MTA3: variants seen among roughly 807,000 people sequenced by gnomAD.
MTA3 encodes metastasis associated 1 family member 3.
A neutral mutation model predicts 83.5 loss-of-function variants in MTA3; 34 were observed. The observed-to-expected ratio is 0.41, with a 90% CI of 0.31 to 0.54. MTA3 has a LOEUF of 0.54. MTA3 is among the 20% of genes least tolerant of loss of function. The probability of loss-of-function intolerance (pLI) is 0.33; values close to 1 mark genes in which losing one functional copy is unlikely to be tolerated. For synonymous variants in MTA3, 303 were observed against 252.7 expected (o/e 1.20, Z -1.89); for missense variants, 761 against 726.4 (o/e 1.05, Z -0.55).
rs76558479 is a variant in MTA3, at chr2:42,708,902, G to T, written c.1331G>T (p.Arg444Leu). 1.9e-6 allele frequency: 3 copies of T among 1,613,832 alleles called. No individual in the cohort carries two copies. Among genetic ancestry groups the T allele is most frequent in the Non-Finnish European group, 2.5e-6 (3 of 1,179,864 alleles). Residue 444 changes from arginine (R) to leucine (L), a missense_variant, in exon 14 of 17, where the codon CGC becomes CTC. Arg to Leu is a moderately radical substitution (Grantham distance 102, BLOSUM62 -2). Coordinates refer to ENST00000405094, the MANE Select transcript of MTA3 (RefSeq NM_001330442.2). ...CCTCGTGTTAGAAGTCACGTGTCCC[G>T]CCAGGCCATGCAGGGAATGCCAGTC... is the stretch of plus-strand genomic sequence containing the variant. The part of the protein sequence containing the change: ...EDPRVRSHVS[R>L]QAMQGMPVRN...
rs1392419470 is a variant in MTA3 at position 42,577,106 on chromosome 2, ATAT to A, written c.97-2000_97-1998del. On this transcript the variant is annotated intron_variant, in intron 2 of 16. Transcript: ENST00000405094. ...GTACTCCATCTAAAAAAAAAAAAAA[ATAT>A]ATATATATATATATATATATATATA... is the stretch of plus-strand genomic sequence containing the variant. Among the ~76,000 whole-genome samples, 265 of 65,138 alleles carry A rather than the reference ATAT, an allele frequency of 4.1e-3. 7 individuals are homozygous for A. The highest frequency in any genetic ancestry group is 0.015 in the African/African-American group (227 of 14,824). 42.7% of individuals were successfully genotyped at this position (65,138 alleles called of 152,430 possible).
At position 42,660,638 on chromosome 2, in the gene MTA3, G is replaced by A. The variant is rs1377916830; in HGVS notation, c.702+776G>A. 3.9e-5 allele frequency among the ~76,000 whole-genome samples: 6 copies of A among 152,172 alleles called. 1 individual carries two copies. The highest frequency in any genetic ancestry group is 3.9e-4 in the Admixed American group (6 of 15,286). ...TCCTGTTACCCCTTGTGATAGGCAC[G>A]GTAGGATGCTCATTTTACACACGAG... On this transcript the variant is annotated intron_variant, in intron 8 of 16. Transcript: ENST00000405094.
chr2:42,672,322 A>G (rs1690870784), intron 8 of MTA3, among the ~76,000 whole-genome samples: 1 of 150,616 alleles, frequency 6.6e-6, no homozygotes, highest in South Asian at 2.1e-4. Context: ...CTGAGTCAAC[A>G]TAGTAAGTCC....
chr2:42,597,353 C>T (rs1246634602), intron 3 of MTA3, among the ~76,000 whole-genome samples: 1 of 150,470 alleles, frequency 6.6e-6, no homozygotes, highest in Non-Finnish European at 1.5e-5. Flanking sequence ...GAGTGAGCCA[C>T]TGCACCTGGC....
chr2:42,673,069 A>T (rs1384249799), intron 8 of MTA3, among the ~76,000 whole-genome samples: 1 of 150,458 alleles, frequency 6.6e-6, no homozygotes, highest in East Asian at 2.0e-4. Context: ...CTGGGCTTGA[A>T]CTCCTGACCT....
Position 42,756,883 on chromosome 2 carries a change from C to T in MTA3, c.*3484C>T, listed in dbSNP as rs981051394. 3 of 985,340 alleles carry T rather than the reference C, an allele frequency of 3.0e-6. No individual in the cohort carries two copies. Among genetic ancestry groups the T allele is most frequent in the Non-Finnish European group, 3.6e-6 (3 of 829,960 alleles). 61.0% of individuals were successfully genotyped at this position (985,340 alleles called of 1,614,324 possible). On this transcript the variant is annotated 3_prime_UTR_variant, in exon 17 of 17. Coordinates refer to ENST00000405094, the MANE Select transcript of MTA3 (RefSeq NM_001330442.2). ...TGATACCACAGTGTGGATTGTCTGTCTGTAAGGAGATGCCATCTACTAACC... is the reference window on the plus strand; with the variant it reads ...TGATACCACAGTGTGGATTGTCTGTTTGTAAGGAGATGCCATCTACTAACC...
intron 4 of MTA3, among the ~76,000 whole-genome samples, chr2:42,636,258 G>T (rs1687182475): frequency 6.6e-6 from 1 of 152,128 alleles, no homozygotes; most frequent in Non-Finnish European, 1.5e-5. Flanking sequence ...AAGAAAGTTT[G>T]GGCCAAGTGT....
intron 6 of MTA3, among the ~76,000 whole-genome samples, chr2:42,652,711 A>G (rs1252303373): frequency 6.6e-6 from 1 of 151,982 alleles, no homozygotes; most frequent in African/African-American, 2.4e-5. Context: ...CTTTATATAA[A>G]ATCTCCAATT....
At chr2:42,637,664 A>AT (rs1028878486) in intron 4 of MTA3, among the ~76,000 whole-genome samples, 2 of 152,180 alleles carry the variant, frequency 1.3e-5, no homozygotes, top group African/African-American at 4.8e-5. Flanking sequence ...TTAGATTTTC[A>AT]TTTTTAATTT....
upstream of MTA3, among the ~76,000 whole-genome samples, chr2:42,565,080 G>A (rs929850789): frequency 6.6e-6 from 1 of 151,126 alleles, no homozygotes; most frequent in Non-Finnish European, 1.5e-5. Flanking sequence ...TCAGCCAACC[G>A]GCACCAATCT....
At chr2:42,532,085 G>A (rs1676007785) in intron 2 of MTA3, among the ~76,000 whole-genome samples, 1 of 152,204 alleles carries the variant, frequency 6.6e-6, no homozygotes, top group South Asian at 2.1e-4. Flanking sequence ...CTACAATTAT[G>A]AGTATTAAAC....
rs74860842 is a variant in MTA3 at position 42,694,655 on chromosome 2, G to A, written c.892-1110G>A. On this transcript the variant is annotated intron_variant, in intron 9 of 16. Coordinates refer to ENST00000405094, the MANE Select transcript of MTA3 (RefSeq NM_001330442.2). ...GGGATGGGAGAGGGGTGGCATCAGC[G>A]ATTCAAGACGAGACTGTCTCTCCTG... Among the ~76,000 whole-genome samples the A allele has an allele frequency of 1.2e-4, 19 of 152,330 alleles. No homozygotes were observed. In the East Asian group the frequency reaches 2.3e-3, roughly 19 times the overall value.
rs372502986 is a variant in MTA3 at position 42,574,204 on chromosome 2, C to T, written c.96+3700C>T. 2.9e-4 allele frequency among the ~76,000 whole-genome samples: 43 copies of T among 147,588 alleles called. 1 individual carries two copies. The highest frequency in any genetic ancestry group is 2.1e-4 in the Non-Finnish European group (14 of 67,030). ...GGCTGGAGTACAATGGTGCAACCTCCTCTCACCACAACCTCTGCCTCCTGG... is the reference window on the plus strand; with the variant it reads ...GGCTGGAGTACAATGGTGCAACCTCTTCTCACCACAACCTCTGCCTCCTGG... On this transcript the variant is annotated intron_variant, in intron 2 of 16. Coordinates refer to ENST00000405094, the MANE Select transcript of MTA3 (RefSeq NM_001330442.2).
chr2:42,599,688 A>G (rs1166788030), intron 3 of MTA3, among the ~76,000 whole-genome samples: 2 of 152,174 alleles, frequency 1.3e-5, no homozygotes, highest in Admixed American at 1.3e-4. Context: ...CAAGGTTAAG[A>G]TGTTGTAAAG....
chr2:42,659,063 G>A lies in MTA3; in HGVS notation c.603-700G>A, dbSNP rs113448792. ...CAGTGAGCTATGATCATACTATTGCGCTCCAGCCTGGGTGACAGAGTGAGA... is the reference window on the plus strand; with the variant it reads ...CAGTGAGCTATGATCATACTATTGCACTCCAGCCTGGGTGACAGAGTGAGA... On this transcript the variant is annotated intron_variant, in intron 7 of 16. Transcript: ENST00000405094. Among the ~76,000 whole-genome samples the A allele has an allele frequency of 3.9e-3, 592 of 151,830 alleles. 6 individuals are homozygous for A. Among genetic ancestry groups the A allele is most frequent in the African/African-American group, 0.013 (551 of 41,418 alleles).
chr2:42,549,850 G>A (rs1677035881), intron 2 of MTA3, among the ~76,000 whole-genome samples: 1 of 150,294 alleles, frequency 6.7e-6, no homozygotes, highest in Admixed American at 6.9e-5. Context: ...ATGAAATCCT[G>A]TGCCACCCAA....
intron 2 of MTA3, among the ~76,000 whole-genome samples, chr2:42,514,682 CTTTTTTTTTT>C (rs767598363): frequency 7.5e-5 from 4 of 53,486 alleles, no homozygotes; most frequent in South Asian, 2.3e-3. Flanking sequence ...CGCCCAGCCC[CTTTTTTTTTT>C]TTTTTTTTTT....
intron 3 of MTA3, among the ~76,000 whole-genome samples, chr2:42,597,574 TG>T (rs1681961737): frequency 6.6e-6 from 1 of 151,390 alleles, no homozygotes; most frequent in South Asian, 2.1e-4. Flanking sequence ...TTAGTAGAGA[TG>T]GGGTTTCACC....
intron 6 of MTA3, 64 bp downstream of exon 6, chr2:42,644,308 G>GAGGACATGTATAT: frequency 5.6e-6 from 6 of 1,062,876 alleles, no homozygotes; most frequent in Non-Finnish European, 8.5e-6. Flanking sequence ...AAATATACAT[G>GAGGACATGTATAT]TCCTCATGTA....
Sources: allele counts gnomAD v4.1 joint callset (sites outside exome capture counted in the v4.1 genomes callset), GRCh38; gene constraint gnomAD v4.1.1; transcripts MANE v1.5; gene names NCBI Gene and HGNC (gene_info 2026-07-23, HGNC 2026-07-21).